GPR157: variants seen among roughly 807,000 people sequenced by gnomAD.
GPR157 encodes G-protein coupled receptor 157.
A neutral mutation model predicts 23.5 loss-of-function variants in GPR157; 16 were observed. The ratio of observed to expected loss-of-function variants is 0.68; its 90% CI spans 0.46 to 1.04. The LOEUF (loss-of-function observed/expected upper bound fraction) is 1.04. Among genes scored for constraint, GPR157 ranks in the 50% least tolerant of loss-of-function variants. The pLI is 0.00. For synonymous variants in GPR157, 200 were observed against 221.5 expected (o/e 0.90, Z 0.86); for missense variants, 440 against 460.7 (o/e 0.96, Z 0.41).
Position 9,105,555 on chromosome 1 carries a change from G to A in GPR157, c.723C>T (p.Ser241=). 1 of 1,603,578 alleles carries A rather than the reference G, an allele frequency of 6.2e-7. No homozygotes were observed. Among genetic ancestry groups the A allele is most frequent in the Non-Finnish European group, 8.5e-7 (1 of 1,175,916 alleles). Residue 241 remains serine (S), a synonymous_variant, in exon 3 of 4, where the codon AGC becomes AGT. Transcript: ENST00000377411. The surrounding 1 kb of genome is among the most constrained non-coding windows in gnomAD (Gnocchi z 4.8). ...AGAGGGTCAGCACGAACCGCACGGT[G>A]CTCCAGACCCTGAGGCCGATGAAGA... The part of the protein sequence containing the change: ...PLIFIGLRVW[S]TVRFVLTLCG...
At chr1:9,126,908 T>C (rs547925738) in intron 1 of GPR157, among the ~76,000 whole-genome samples, 1 of 152,104 alleles carries the variant, frequency 6.6e-6, no homozygotes, top group Admixed American at 6.5e-5. Flanking sequence ...TTTTAAAAAT[T>C]TTTTTCTTTT....
chr1:9,109,059 A>G (rs1389670496), intron 2 of GPR157, among the ~76,000 whole-genome samples: 1 of 149,292 alleles, frequency 6.7e-6, no homozygotes, highest in East Asian at 2.0e-4. Context: ...TACAGGCGTG[A>G]GCCACCGCAC....
Position 9,128,658 on chromosome 1 carries a change from A to T in GPR157, c.370T>A (p.Phe124Ile). ...GPRTDRLLWA[F>I]HVVSWGVPLV... The stretch of plus-strand genomic sequence containing the variant: ...ACCGCCACCCACCTGACGACATGGA[A>T]GGCCCAAAGCAGGCGATCTGTGCGA... The change falls in exon 1 of 4, where the codon TTC becomes ATC. Residue 124 changes from phenylalanine to isoleucine, a missense_variant. Physicochemically the swap from Phe to Ile is conservative, Grantham distance 21. Coordinates refer to ENST00000377411, the MANE Select transcript of GPR157 (RefSeq NM_024980.5). This position sits in a 1 kb window ranked among gnomAD's most constrained non-coding sequence, Gnocchi z 6.3. The T allele has an allele frequency of 6.2e-7, 1 of 1,612,958 alleles. No individual in the cohort carries two copies. Among genetic ancestry groups the T allele is most frequent in the Non-Finnish European group, 8.5e-7 (1 of 1,179,856 alleles).
Position 9,105,034 on chromosome 1 carries a change from A to AACACACACACACAC in GPR157, c.793-414_793-401dup, listed in dbSNP as rs199973020. 1.5e-4 allele frequency among the ~76,000 whole-genome samples: 18 copies of AACACACACACACAC among 116,966 alleles called. No homozygotes were observed. The highest frequency in any genetic ancestry group is 3.7e-4 in the African/African-American group (11 of 29,780). 76.7% of individuals were successfully genotyped at this position (116,966 alleles called of 152,430 possible). ...CCCCAAAAAAGAGAAATGGCTGAGA[A>AACACACACACACAC]ACACACACACACACACACACACACA... On this transcript the variant is annotated intron_variant, in intron 3 of 3. Transcript: ENST00000377411. The surrounding 1 kb of genome is among the most constrained non-coding windows in gnomAD (Gnocchi z 4.8).
At chr1:9,126,932 G>T (rs1341801752) in intron 1 of GPR157, among the ~76,000 whole-genome samples, 1 of 150,376 alleles carries the variant, frequency 6.6e-6, no homozygotes, top group Non-Finnish European at 1.5e-5. Flanking sequence ...TTTGAGAGAG[G>T]GTGTTGCTCT....
chr1:9,126,930 A>T (rs1638974374), intron 1 of GPR157, among the ~76,000 whole-genome samples: 1 of 148,698 alleles, frequency 6.7e-6, no homozygotes, highest in African/African-American at 2.5e-5. Flanking sequence ...TTTTTGAGAG[A>T]GGGTGTTGCT....
In GPR157 at chr1:9,121,000, T is replaced by G. The variant is rs1314908014; in HGVS notation, c.383+7645A>C. ...TGGGGAGACGGGCCAGCTCTGCCACTGGCTTGTCCTTGCAGTGCCACGGTG... is the reference window on the plus strand; with the variant it reads ...TGGGGAGACGGGCCAGCTCTGCCACGGGCTTGTCCTTGCAGTGCCACGGTG... On this transcript the variant is annotated intron_variant, in intron 1 of 3. Coordinates refer to ENST00000377411, the MANE Select transcript of GPR157 (RefSeq NM_024980.5). The surrounding 1 kb of genome is among the most constrained non-coding windows in gnomAD (Gnocchi z 4.1). Among the ~76,000 whole-genome samples the G allele has an allele frequency of 6.6e-6, 1 of 152,220 alleles. No homozygotes were observed. Among genetic ancestry groups the G allele is most frequent in the Non-Finnish European group, 1.5e-5 (1 of 68,034 alleles).
rs1005348043 is a variant in GPR157, at chr1:9,103,601, G to A, written c.*818C>T. On this transcript the variant is annotated 3_prime_UTR_variant, in exon 4 of 4. Transcript: ENST00000377411. ...AGAAGAGGAGGATTCTAAGAAAGGA[G>A]CTGGAGAGACAGTGGGGTCTTCGGG... The A allele has an allele frequency of 3.9e-5, 6 of 152,268 alleles. No homozygotes were observed. The highest frequency in any genetic ancestry group is 1.4e-4 in the African/African-American group (6 of 41,460). The allele number at this position is 152,268 out of a possible 1,614,324, so 9.4% of individuals were successfully genotyped here.
intron 1 of GPR157, among the ~76,000 whole-genome samples, chr1:9,111,952 AGAGT>A (rs1316116798): frequency 1.3e-5 from 2 of 152,164 alleles, no homozygotes; most frequent in African/African-American, 4.8e-5. Context: ...CCTGGGTGAC[AGAGT>A]GAGACTCCAT....
chr1:9,116,324 ATAAAT>A, intron 1 of GPR157, among the ~76,000 whole-genome samples: 1 of 37,174 alleles, frequency 2.7e-5, no homozygotes, highest in South Asian at 7.6e-4. Context: ...TATAATATAT[ATAAAT>A]TATATATAAT....
intron 1 of GPR157, among the ~76,000 whole-genome samples, chr1:9,124,243 CTG>C (rs1235534084): frequency 6.6e-6 from 1 of 152,172 alleles, no homozygotes; most frequent in Non-Finnish European, 1.5e-5. Flanking sequence ...GATTCTAACT[CTG>C]AGCCTCTCCT....
chr1:9,113,537 T>C (rs1638560030), intron 1 of GPR157, among the ~76,000 whole-genome samples: 1 of 152,090 alleles, frequency 6.6e-6, no homozygotes, highest in Admixed American at 6.6e-5. Flanking sequence ...CAGTCCCCAC[T>C]GGCCTCTGTA....
chr1:9,123,598 T>A (rs187839013), intron 1 of GPR157, among the ~76,000 whole-genome samples: 12,106 of 106,294 alleles, frequency 0.11, 859 homozygotes, highest in Non-Finnish European at 0.13. Flanking sequence ...TATTAATGTA[T>A]ATTTAATATA....
intron 2 of GPR157, among the ~76,000 whole-genome samples, chr1:9,106,067 C>CT (rs1366945782): frequency 6.6e-6 from 1 of 152,144 alleles, no homozygotes; most frequent in Admixed American, 6.5e-5. Flanking sequence ...CTGCAGCCCT[C>CT]TTTTTTTGTT....
At chr1:9,115,928 T>C (rs1293062892) in intron 1 of GPR157, among the ~76,000 whole-genome samples, 4 of 149,170 alleles carry the variant, frequency 2.7e-5, no homozygotes, top group African/African-American at 4.9e-5. Context: ...AGTTGAGCAG[T>C]TACAACTGAG....
At position 9,128,550 on chromosome 1, in the gene GPR157, G is replaced by T; in HGVS notation, c.383+95C>A. The T allele has an allele frequency of 1.7e-6, 2 of 1,189,596 alleles. No homozygotes were observed. Among genetic ancestry groups the T allele is most frequent in the South Asian group, 1.3e-5 (1 of 76,534 alleles). 73.7% of individuals were successfully genotyped at this position (1,189,596 alleles called of 1,614,324 possible). On this transcript the variant is annotated intron_variant, in intron 1 of 3. Transcript: ENST00000377411. This position sits in a 1 kb window ranked among gnomAD's most constrained non-coding sequence, Gnocchi z 6.3. Reference sequence around the variant, plus strand: ...CAGGCACTGCTTGCTGTGGGTAGGGGGTGTCCAACCTAGACGCGGCCTCTG... The same window carrying T: ...CAGGCACTGCTTGCTGTGGGTAGGGTGTGTCCAACCTAGACGCGGCCTCTG...
intron 1 of GPR157, among the ~76,000 whole-genome samples, chr1:9,123,769 T>TA (rs1491583872): frequency 2.3e-5 from 3 of 129,590 alleles, no homozygotes; most frequent in Non-Finnish European, 3.2e-5. Context: ...ATTATATATA[T>TA]TTAATATTAA....
At chr1:9,117,608 A>G (rs1428471698) in intron 1 of GPR157, among the ~76,000 whole-genome samples, 1 of 152,144 alleles carries the variant, frequency 6.6e-6, no homozygotes, top group Non-Finnish European at 1.5e-5. Flanking sequence ...AAAAATACAA[A>G]AAAATTAGCC....
rs775168347 is a variant in GPR157 at position 9,105,569 on chromosome 1, G to A, written c.709C>T (p.Leu237Phe). ...LVLIPLIFIG[L>F]RVWSTVRFVL... The stretch of plus-strand genomic sequence containing the variant: ...AACCGCACGGTGCTCCAGACCCTGA[G>A]GCCGATGAAGATGAGCGGGATGAGC... Residue 237 changes from leucine (L) to phenylalanine (F), a missense_variant, in exon 3 of 4, where the codon CTC becomes TTC. By Grantham distance (22) the Leu-to-Phe change is conservative. Coordinates refer to ENST00000377411, the MANE Select transcript of GPR157 (RefSeq NM_024980.5). This position sits in a 1 kb window ranked among gnomAD's most constrained non-coding sequence, Gnocchi z 4.8. 2 of 1,608,666 alleles carry A rather than the reference G, an allele frequency of 1.2e-6. No individual in the cohort carries two copies. The highest frequency in any genetic ancestry group is 3.3e-4 in the Middle Eastern group (2 of 6,056).
Sources: allele counts gnomAD v4.1 joint callset (sites outside exome capture counted in the v4.1 genomes callset), GRCh38; gene constraint gnomAD v4.1.1; non-coding constraint Gnocchi (gnomAD v3.1); transcripts MANE v1.5; gene names NCBI Gene and HGNC (gene_info 2026-07-23, HGNC 2026-07-21).